The following FAM110B variants were observed in gnomAD, a reference collection of about 807,000 sequenced individuals.
FAM110B encodes family with sequence similarity 110 member B.
In FAM110B, 6 loss-of-function variants were observed where a neutral mutation model predicts 20.4. That is an observed-to-expected ratio of 0.29 (90% CI 0.16 to 0.58). The LOEUF (loss-of-function observed/expected upper bound fraction) is 0.58, where lower values mean the gene tolerates loss of function less well. Ranked by LOEUF, FAM110B falls within the 20% of genes least tolerant of loss-of-function variation. FAM110B has a pLI of 0.90. For synonymous variants in FAM110B, 226 were observed against 214.1 expected, an observed-to-expected ratio of 1.06 and a Z score of -0.49; for missense variants, 434 against 498.2, an observed-to-expected ratio of 0.87 and a Z score of 1.23.
At chr8:58,073,216 A>G (rs1158411145) in intron 2 of FAM110B, among the ~76,000 whole-genome samples, 1 of 152,204 alleles carries the variant, frequency 6.6e-6, no homozygotes, top group African/African-American at 2.4e-5. Context: ...CCTTCCTGTA[A>G]GAAGTGACTA....
intron 2 of FAM110B, among the ~76,000 whole-genome samples, chr8:58,048,260 G>A (rs1805370301): frequency 6.6e-6 from 1 of 152,148 alleles, no homozygotes; most frequent in Non-Finnish European, 1.5e-5. Flanking sequence ...GACTTTTAGT[G>A]CAGATTTGCT....
intron 1 of FAM110B, among the ~76,000 whole-genome samples, chr8:57,995,009 C>A (rs974940425): frequency 1.3e-5 from 2 of 152,120 alleles, no homozygotes; most frequent in Non-Finnish European, 2.9e-5. Flanking sequence ...CCCAGGCGGA[C>A]CCCGTCCGGC....
chr8:58,109,067 C>G (rs1457015774), intron 3 of FAM110B, among the ~76,000 whole-genome samples: 1 of 152,190 alleles, frequency 6.6e-6, no homozygotes, highest in Non-Finnish European at 1.5e-5. Context: ...CACTTTTCCT[C>G]TTTTACCTCT....
rs369995046 is a variant in FAM110B at position 58,010,649 on chromosome 8, C to A, written c.-512+15843C>A. ...AGGAAGGAAAACAGCTTAAATGAAA[C>A]CATAGTCCCTGTGGTAGCGCACCAT... On this transcript the variant is annotated intron_variant, in intron 1 of 3. Transcript: ENST00000519262. Among the ~76,000 whole-genome samples the A allele has an allele frequency of 8.4e-4, 128 of 152,264 alleles. 3 individuals carry two copies. The South Asian group carries it at 0.023, about 27-fold the overall frequency.
At chr8:58,020,787 C>T (rs1396904613) in intron 1 of FAM110B, among the ~76,000 whole-genome samples, 2 of 152,126 alleles carry the variant, frequency 1.3e-5, no homozygotes, top group Non-Finnish European at 2.9e-5. Context: ...TTTGTTTTTG[C>T]ATTTGTTCTT....
chr8:58,143,673 G>C (rs1803791758), intron 3 of FAM110B, among the ~76,000 whole-genome samples: 2 of 152,222 alleles, frequency 1.3e-5, no homozygotes, highest in Admixed American at 1.3e-4. Flanking sequence ...CCTCACTCTT[G>C]TGAATCGACA....
At chr8:58,029,744 T>C (rs1804929825) in intron 1 of FAM110B, among the ~76,000 whole-genome samples, 1 of 152,176 alleles carries the variant, frequency 6.6e-6, no homozygotes, top group Non-Finnish European at 1.5e-5. Context: ...ATGAGTCAAC[T>C]GGAGCAGATG....
chr8:58,125,974 A>G (rs1046573815), intron 3 of FAM110B, among the ~76,000 whole-genome samples: 4 of 152,240 alleles, frequency 2.6e-5, no homozygotes, highest in African/African-American at 9.6e-5. Context: ...GCTTGTATGT[A>G]TAGTTCATTT....
chr8:58,143,035 C>T (rs1323530407), intron 3 of FAM110B, among the ~76,000 whole-genome samples: 1 of 126,318 alleles, frequency 7.9e-6, no homozygotes, highest in Non-Finnish European at 1.8e-5. Flanking sequence ...TTATCTCGTA[C>T]AAAGTCTACA....
At chr8:58,065,825 A>G (rs909917786) in intron 2 of FAM110B, among the ~76,000 whole-genome samples, 1 of 152,166 alleles carries the variant, frequency 6.6e-6, no homozygotes, top group African/African-American at 2.4e-5. Context: ...CAAAGCAGAT[A>G]CTATATGTGA....
At chr8:58,056,732 A>G (rs369664193) in intron 2 of FAM110B, among the ~76,000 whole-genome samples, 8 of 152,318 alleles carry the variant, frequency 5.3e-5, no homozygotes, top group African/African-American at 1.9e-4. Context: ...ATACTAATGC[A>G]TAGTTTATTT....
intron 2 of FAM110B, among the ~76,000 whole-genome samples, chr8:58,065,463 C>T (rs537220163): frequency 1.8e-4 from 27 of 152,102 alleles, no homozygotes; most frequent in African/African-American, 5.5e-4. Flanking sequence ...TATTAACATC[C>T]GAAAACATGG....
chr8:58,109,220 A>G (rs1806994450), intron 3 of FAM110B, among the ~76,000 whole-genome samples: 2 of 152,176 alleles, frequency 1.3e-5, no homozygotes, highest in Admixed American at 1.3e-4. Flanking sequence ...CCCTTGTTAC[A>G]TAAATGTTTA....
intron 3 of FAM110B, among the ~76,000 whole-genome samples, chr8:58,139,498 C>G (rs1563383605): frequency 1.3e-5 from 2 of 152,148 alleles, no homozygotes; most frequent in African/African-American, 4.8e-5. Context: ...CAAAGTCAGT[C>G]TTTTTTGGTC....
Position 58,075,950 on chromosome 8 carries a change from G to A in FAM110B, c.-325+327G>A, listed in dbSNP as rs1416834453. 2.6e-5 allele frequency among the ~76,000 whole-genome samples: 4 copies of A among 152,022 alleles called. No homozygotes were observed. In the East Asian group the frequency reaches 7.7e-4, roughly 29 times the overall value. ...TCTCCCAGGAGTTTAGAAGTCCTCTGTGTTTTAAAGAAAATTTTATTTTTT... is the reference window on the plus strand; with the variant it reads ...TCTCCCAGGAGTTTAGAAGTCCTCTATGTTTTAAAGAAAATTTTATTTTTT... On this transcript the variant is annotated intron_variant, in intron 3 of 3. Coordinates refer to ENST00000519262, the MANE Select transcript of FAM110B (RefSeq NM_001377989.1).
intron 3 of FAM110B, among the ~76,000 whole-genome samples, chr8:58,078,921 G>A (rs1259005275): frequency 2.6e-5 from 4 of 152,234 alleles, no homozygotes; most frequent in South Asian, 2.1e-4. Context: ...CAACCCTCGT[G>A]CATTTATTTT....
chr8:58,007,840 A>AC (rs1297582356), intron 1 of FAM110B, among the ~76,000 whole-genome samples: 4 of 151,564 alleles, frequency 2.6e-5, no homozygotes, highest in Non-Finnish European at 4.4e-5. Flanking sequence ...GGACTAAGGC[A>AC]CCTAGGCATT....
intron 1 of FAM110B, among the ~76,000 whole-genome samples, chr8:58,002,502 G>A (rs143706314): frequency 2.3e-4 from 35 of 152,168 alleles, no homozygotes; most frequent in Non-Finnish European, 4.6e-4. Context: ...AGCATTTTTG[G>A]TGTATTCTTG....
chr8:58,144,431 C>T (rs780055657), intron 3 of FAM110B, among the ~76,000 whole-genome samples: 2 of 152,124 alleles, frequency 1.3e-5, no homozygotes, highest in Non-Finnish European at 2.9e-5. Flanking sequence ...ATTGAGGTAT[C>T]AAAATAGAAC....
Sources: allele counts gnomAD v4.1 joint callset (sites outside exome capture counted in the v4.1 genomes callset), GRCh38; gene constraint gnomAD v4.1.1; transcripts MANE v1.5; gene names NCBI Gene and HGNC (gene_info 2026-07-23, HGNC 2026-07-21).